PSTPIP2: variants seen among roughly 807,000 people sequenced by gnomAD.
The protein encoded by PSTPIP2 is proline-serine-threonine phosphatase interacting protein 2.
Under a neutral mutation model 63.3 loss-of-function variants are expected in PSTPIP2, and 33 were observed. That is an observed-to-expected ratio of 0.52 (90% CI 0.40 to 0.70). PSTPIP2 has a LOEUF of 0.70. Among genes scored for constraint, PSTPIP2 ranks in the 30% least tolerant of loss-of-function variants. The probability of loss-of-function intolerance (pLI) is 0.00; values close to 1 mark genes in which losing one functional copy is unlikely to be tolerated. For synonymous variants in PSTPIP2, 125 were observed against 132.7 expected (o/e 0.94, Z 0.40); for missense variants, 312 against 400.7 (o/e 0.78, Z 1.89).
At chr18:45,988,671 A>T (rs1400712965) in intron 14 of PSTPIP2, 31 bp downstream of exon 14, 2 of 1,511,542 alleles carry the variant, frequency 1.3e-6, no homozygotes, top group African/African-American at 2.8e-5. Flanking sequence ...TCTACACATG[A>T]CTCAATTATG....
chr18:46,006,206 A>G (rs978216100), intron 5 of PSTPIP2, among the ~76,000 whole-genome samples: 3 of 151,846 alleles, frequency 2.0e-5, no homozygotes, highest in African/African-American at 7.3e-5. Flanking sequence ...AGCCTGCACC[A>G]CCACACCTGG....
At chr18:46,027,979 GGT>G (rs1347621857) in intron 2 of PSTPIP2, among the ~76,000 whole-genome samples, 1 of 152,134 alleles carries the variant, frequency 6.6e-6, no homozygotes, top group Admixed American at 6.5e-5. Flanking sequence ...TGGCCAACAT[GGT>G]GAAACCCCAT....
At chr18:46,070,958 C>T (rs1400300424) in intron 1 of PSTPIP2, among the ~76,000 whole-genome samples, 2 of 152,144 alleles carry the variant, frequency 1.3e-5, no homozygotes, top group Non-Finnish European at 2.9e-5. Context: ...ACAGTGCCTG[C>T]CATGGGATCC....
At chr18:46,029,219 T>C (rs1180025792) in intron 2 of PSTPIP2, 4 of 1,077,416 alleles carry the variant, frequency 3.7e-6, no homozygotes, top group South Asian at 1.3e-5. Context: ...AGTGAGAGGT[T>C]TGAAAGAAGA....
chr18:46,003,986 G>T (rs555550915), intron 6 of PSTPIP2, among the ~76,000 whole-genome samples: 1 of 151,088 alleles, frequency 6.6e-6, no homozygotes, highest in South Asian at 2.1e-4. Context: ...GGCTGGTCTC[G>T]AACTCCTGAC....
rs370501928 is a variant in PSTPIP2, at chr18:46,017,286, CT to C, written c.213-1350del. ...TCAGCTGTTGCTCTAATAAATGTTCCTTAGTGGGTAATCACTCTTTCTGGAT... is the reference window on the plus strand; with the variant it reads ...TCAGCTGTTGCTCTAATAAATGTTCCTAGTGGGTAATCACTCTTTCTGGAT... On this transcript the variant is annotated intron_variant, in intron 3 of 14. Transcript: ENST00000409746. Among the ~76,000 whole-genome samples the C allele has an allele frequency of 5.3e-3, 811 of 152,234 alleles. 8 individuals carry two copies. The highest frequency in any genetic ancestry group is 0.014 in the Middle Eastern group (4 of 294).
At chr18:45,999,321 G>A (rs2051638890) in intron 7 of PSTPIP2, 115 bp downstream of exon 7, 1 of 963,362 alleles carries the variant, frequency 1.0e-6, no homozygotes, top group Non-Finnish European at 1.6e-6. Flanking sequence ...ATACATGAAG[G>A]AAGATATTTC....
chr18:45,993,301 G>A (rs1035318406), intron 10 of PSTPIP2, among the ~76,000 whole-genome samples: 3 of 152,114 alleles, frequency 2.0e-5, no homozygotes, highest in Non-Finnish European at 2.9e-5. Context: ...CACCATGTTG[G>A]CCAGGCTGGT....
chr18:46,012,496 C>T (rs966999640), intron 4 of PSTPIP2, among the ~76,000 whole-genome samples: 3 of 152,160 alleles, frequency 2.0e-5, no homozygotes, highest in African/African-American at 7.2e-5. Flanking sequence ...AAGAGTTGGC[C>T]AGGCGCAGTG....
At position 45,985,215 on chromosome 18, in the gene PSTPIP2, G is replaced by T; in HGVS notation, c.*244C>A. Reference sequence around the variant, plus strand: ...TGAAAACCTAATTCATTCATAACCTGAGTAACTGGGAAAGAATAATTCTTC... The same window carrying T: ...TGAAAACCTAATTCATTCATAACCTTAGTAACTGGGAAAGAATAATTCTTC... On this transcript the variant is annotated 3_prime_UTR_variant, in exon 15 of 15. Coordinates refer to ENST00000409746, the MANE Select transcript of PSTPIP2 (RefSeq NM_024430.4). The T allele has an allele frequency of 1.8e-6, 1 of 546,706 alleles. No individual in the cohort carries two copies. Among genetic ancestry groups the T allele is most frequent in the Non-Finnish European group, 3.2e-6 (1 of 314,186 alleles). 33.9% of individuals were successfully genotyped at this position (546,706 alleles called of 1,614,324 possible). A position where few individuals can be genotyped will look rare whatever the true frequency, so the allele number is the denominator to read the frequency against.
rs377313914 is a variant in PSTPIP2 at position 45,991,887 on chromosome 18, G to A, written c.920+15C>T. Reference sequence around the variant, plus strand: ...AAAAGTATTTTTCTTCATATGAAAGGCAGCTGGTTATTACCTTGCCAAGTT... The same window carrying A: ...AAAAGTATTTTTCTTCATATGAAAGACAGCTGGTTATTACCTTGCCAAGTT... On this transcript the variant is annotated intron_variant, in intron 12 of 14. Transcript: ENST00000409746. 2 of 1,568,932 alleles carry A rather than the reference G, an allele frequency of 1.3e-6. No individual in the cohort carries two copies. Among genetic ancestry groups the A allele is most frequent in the African/African-American group, 1.4e-5 (1 of 73,356 alleles).
chr18:46,054,663 A>T (rs1310077932), intron 1 of PSTPIP2, among the ~76,000 whole-genome samples: 1 of 142,096 alleles, frequency 7.0e-6, no homozygotes, highest in East Asian at 2.1e-4. Context: ...AAACCTACTA[A>T]TTTTTTTTTT....
chr18:46,009,514 A>G (rs971701726), intron 5 of PSTPIP2, among the ~76,000 whole-genome samples: 1 of 152,190 alleles, frequency 6.6e-6, no homozygotes, highest in African/African-American at 2.4e-5. Context: ...TGCAGATGGC[A>G]CACAGAATAA....
In PSTPIP2 at chr18:46,006,380, TTTTTTTTC is replaced by T. The variant is rs1412879104; in HGVS notation, c.355-857_355-850del. ...TGGTACTTTTTTTTTTTTTTTTTTT[TTTTTTTTC>T]TGAGACAGAGTTTGCTCTTAATGCC... On this transcript the variant is annotated intron_variant, in intron 5 of 14. Transcript: ENST00000409746. Among the ~76,000 whole-genome samples, 242 of 84,516 alleles carry T rather than the reference TTTTTTTTC, an allele frequency of 2.9e-3. 1 individual carries two copies. The highest frequency in any genetic ancestry group is 0.012 in the Middle Eastern group (1 of 84). The allele number at this position is 84,516 out of a possible 152,430, so 55.4% of individuals were successfully genotyped here. A position where few individuals can be genotyped will look rare whatever the true frequency, so the allele number is the denominator to read the frequency against.
At chr18:46,010,543 T>C (rs535347514) in intron 5 of PSTPIP2, among the ~76,000 whole-genome samples, 1 of 152,088 alleles carries the variant, frequency 6.6e-6, no homozygotes, top group South Asian at 2.1e-4. Flanking sequence ...TTGTGGCTGG[T>C]CTAGTCTAAC....
At chr18:46,029,877 G>A (rs968055171) in intron 2 of PSTPIP2, 21 of 310,776 alleles carry the variant, frequency 6.8e-5, no homozygotes, top group African/African-American at 4.2e-4. Context: ...AACTTTGGGA[G>A]GCCGAGGCGG....
At chr18:46,061,306 C>CA (rs112035966) in intron 1 of PSTPIP2, among the ~76,000 whole-genome samples, 2,192 of 115,884 alleles carry the variant, frequency 0.019, 45 homozygotes, top group African/African-American at 0.057. Context: ...TCCATTTCAC[C>CA]AAAAAAAAAA....
chr18:46,068,290 G>A (rs1302000383), intron 1 of PSTPIP2, among the ~76,000 whole-genome samples: 1 of 151,908 alleles, frequency 6.6e-6, no homozygotes, highest in Non-Finnish European at 1.5e-5. Context: ...CTGAGGACAG[G>A]CATAGTGGCT....
chr18:46,008,850 A>G (rs1009797479), intron 5 of PSTPIP2, among the ~76,000 whole-genome samples: 1 of 152,192 alleles, frequency 6.6e-6, no homozygotes. Flanking sequence ...ACCGCTGAGA[A>G]TGGCTCCTAA....
Sources: allele counts gnomAD v4.1 joint callset (sites outside exome capture counted in the v4.1 genomes callset), GRCh38; gene constraint gnomAD v4.1.1; transcripts MANE v1.5; gene names NCBI Gene and HGNC (gene_info 2026-07-23, HGNC 2026-07-21).